The following SRGAP1 variants were observed in gnomAD, a reference collection of about 807,000 sequenced individuals.
SRGAP1 encodes the protein SLIT-ROBO Rho GTPase-activating protein 1.
A neutral mutation model predicts 121.9 loss-of-function variants in SRGAP1; 43 were observed. The ratio of observed to expected loss-of-function variants is 0.35; its 90% confidence interval spans 0.28 to 0.46. The LOEUF is 0.46. Ranked by LOEUF, SRGAP1 falls within the 20% of genes least tolerant of loss-of-function variation. SRGAP1 has a pLI of 1.00. For missense variants in SRGAP1, 1,102 were observed against 1,350.9 expected (o/e 0.82, Z 2.89); for synonymous variants, 447 against 485.4 (o/e 0.92, Z 1.04).
At chr12:63,983,173 T>G (rs2033297301) in intron 1 of SRGAP1, 1 of 152,214 alleles carries the variant, frequency 6.6e-6, no homozygotes, top group Admixed American at 6.5e-5. Flanking sequence ...AATTATGCAC[T>G]AAATAAAAAT....
chr12:63,900,204 C>CTTTTTTTT lies in SRGAP1; in HGVS notation c.67+55333_67+55340dup, dbSNP rs67622101. 1.3e-4 allele frequency among the ~76,000 whole-genome samples: 11 copies of CTTTTTTTT among 87,580 alleles called. 2 individuals are homozygous for CTTTTTTTT. The highest frequency in any genetic ancestry group is 4.0e-4 in the Admixed American group (3 of 7,470). 57.5% of individuals were successfully genotyped at this position (87,580 alleles called of 152,430 possible). On this transcript the variant is annotated intron_variant, in intron 1 of 21. Coordinates refer to ENST00000355086, the MANE Select transcript of SRGAP1 (RefSeq NM_020762.4). Reference sequence around the variant, plus strand: ...CTTTTTTCTTTTTCTTTTTCTTTTTCTTTTTTTTTTTTTTTTTTTGAGGTG... The same window carrying CTTTTTTTT: ...CTTTTTTCTTTTTCTTTTTCTTTTTCTTTTTTTTTTTTTTTTTTTTTTTTTTTGAGGTG...
At chr12:63,925,649 T>C (rs966195960) in intron 1 of SRGAP1, among the ~76,000 whole-genome samples, 2 of 152,168 alleles carry the variant, frequency 1.3e-5, no homozygotes, top group Non-Finnish European at 2.9e-5. Context: ...GAAAAAGGAA[T>C]AAAGCAAAGG....
intron 1 of SRGAP1, among the ~76,000 whole-genome samples, chr12:63,958,265 A>G (rs1184120529): frequency 6.6e-6 from 1 of 152,080 alleles, no homozygotes; most frequent in African/African-American, 2.4e-5. Context: ...GAGCCCCAGA[A>G]AGTTCTCCTG....
rs753864735 is a variant in SRGAP1 at position 64,097,383 on chromosome 12, G to A, written c.1813+8G>A. Reference sequence around the variant, plus strand: ...ATCTGATTTCTTGTATCAGTAAGTGGACATTTTTTTCATCTTTTCCCACAA... The same window carrying A: ...ATCTGATTTCTTGTATCAGTAAGTGAACATTTTTTTCATCTTTTCCCACAA... On this transcript the variant is annotated splice_region_variant and intron_variant, in intron 15 of 21. Transcript: ENST00000355086. The A allele has an allele frequency of 3.1e-6, 5 of 1,603,058 alleles. No individual in the cohort carries two copies. The East Asian group carries it at 1.1e-4, about 36-fold the overall frequency.
intron 17 of SRGAP1, among the ~76,000 whole-genome samples, chr12:64,113,042 G>T (rs750564581): frequency 2.6e-5 from 4 of 151,902 alleles, no homozygotes; most frequent in Admixed American, 6.6e-5. Context: ...GGAGTTTAAG[G>T]CTGCAGTGAG....
At chr12:64,126,196 T>C (rs1359669183) in intron 19 of SRGAP1, 39 bp downstream of exon 19, 1 of 1,585,430 alleles carries the variant, frequency 6.3e-7, no homozygotes, top group Non-Finnish European at 8.6e-7. Context: ...GTGCTCCCAA[T>C]AGAGGACTCC....
chr12:63,887,633 T>A (rs112062389), intron 1 of SRGAP1: 4,185 of 152,340 alleles, frequency 0.027, 91 homozygotes, highest in African/African-American at 0.061. Flanking sequence ...GTTGAATGGC[T>A]GTTTGAATTG....
chr12:63,850,205 G>T (rs1218063904), intron 1 of SRGAP1, among the ~76,000 whole-genome samples: 1 of 152,068 alleles, frequency 6.6e-6, no homozygotes, highest in African/African-American at 2.4e-5. Flanking sequence ...CTGAAAACCC[G>T]GTTAGTTTCA....
At chr12:64,044,831 C>A (rs904609538) in intron 6 of SRGAP1, among the ~76,000 whole-genome samples, 1 of 151,840 alleles carries the variant, frequency 6.6e-6, no homozygotes, top group Non-Finnish European at 1.5e-5. Context: ...CAGGCACATG[C>A]TACCACACAG....
chr12:64,135,959 G>A (rs1446989783), intron 21 of SRGAP1, among the ~76,000 whole-genome samples: 1 of 152,252 alleles, frequency 6.6e-6, no homozygotes, highest in African/African-American at 2.4e-5. Context: ...CTTGGAGTCT[G>A]ATGTTTAAGA....
intron 1 of SRGAP1, among the ~76,000 whole-genome samples, chr12:63,952,473 G>A (rs935343471): frequency 1.3e-5 from 2 of 152,146 alleles, no homozygotes; most frequent in African/African-American, 4.8e-5. Flanking sequence ...CTATGATTGT[G>A]CACTGCACTA....
intron 12 of SRGAP1, chr12:64,091,843 G>A (rs1372206892): frequency 6.8e-7 from 1 of 1,468,864 alleles, no homozygotes; most frequent in Admixed American, 2.0e-5. Flanking sequence ...CCTCTGCTGT[G>A]TTTACTCTTC....
intron 1 of SRGAP1, among the ~76,000 whole-genome samples, chr12:63,913,507 GTATA>G (rs1198486090): frequency 1.5e-5 from 2 of 130,910 alleles, no homozygotes; most frequent in Non-Finnish European, 3.3e-5. Context: ...ACATATATGT[GTATA>G]TATATATACA....
rs1203803009 is a variant in SRGAP1 at position 64,016,991 on chromosome 12, G to A, written c.468G>A (p.Lys156=). The A allele has an allele frequency of 1.3e-6, 2 of 1,549,744 alleles. No homozygotes were observed. Among genetic ancestry groups the A allele is most frequent in the Admixed American group, 1.7e-5 (1 of 58,600 alleles). The change falls in exon 4 of 22, where the codon AAG becomes AAA. Residue 156 remains lysine, a synonymous_variant. Coordinates refer to ENST00000355086, the MANE Select transcript of SRGAP1 (RefSeq NM_020762.4). ...TCCAACTTCATGAGGATTTAATGAA[G>A]GTTCTTAATGAGCTTTATACGGTAA... ...IAFQLHEDLM[K]VLNELYTVMK... is the part of the protein sequence containing the mutation.
chr12:64,042,265 C>T (rs1481815850), intron 4 of SRGAP1, among the ~76,000 whole-genome samples: 2 of 152,032 alleles, frequency 1.3e-5, no homozygotes, highest in Non-Finnish European at 2.9e-5. Context: ...CTACATTGAA[C>T]ATAAAAAATA....
rs58637983 is a variant in SRGAP1, at chr12:63,951,152, C to CTTTTTTTTTTTTT, written c.68-32778_68-32766dup. Among the ~76,000 whole-genome samples the CTTTTTTTTTTTTT allele has an allele frequency of 9.3e-4, 41 of 44,184 alleles. 8 individuals are homozygous for CTTTTTTTTTTTTT. Among genetic ancestry groups the CTTTTTTTTTTTTT allele is most frequent in the African/African-American group, 3.4e-3 (40 of 11,920 alleles). 29.0% of individuals were successfully genotyped at this position (44,184 alleles called of 152,430 possible). ...GGGCTGGTCCATGCCATTTAGAACT[C>CTTTTTTTTTTTTT]TTTTTTTTTTTTTTTTTTTTTTTTT... On this transcript the variant is annotated intron_variant, in intron 1 of 21. Transcript: ENST00000355086.
chr12:63,980,040 G>A (rs2033206267), intron 1 of SRGAP1, among the ~76,000 whole-genome samples: 1 of 152,184 alleles, frequency 6.6e-6, no homozygotes, highest in African/African-American at 2.4e-5. Context: ...AGTGCACCAT[G>A]GGCTTCCTTG....
chr12:64,161,872 C>T lies in SRGAP1; in HGVS notation c.*19200C>T, dbSNP rs2037211268. 6.6e-6 allele frequency: 1 copy of T among 152,212 alleles called. No homozygotes were observed. The highest frequency in any genetic ancestry group is 2.1e-4 in the South Asian group (1 of 4,830). 9.4% of individuals were successfully genotyped at this position (152,212 alleles called of 1,614,324 possible). A position where few individuals can be genotyped will look rare whatever the true frequency, so the allele number is the denominator to read the frequency against. On this transcript the variant is annotated 3_prime_UTR_variant, in exon 22 of 22. Transcript: ENST00000355086. The stretch of plus-strand genomic sequence containing the variant: ...TGTGGTATATTGATACAATGGAATA[C>T]TATTCTGTAATGAAGATGGGAAAGA...
At chr12:64,113,186 TC>T (rs2036458769) in intron 17 of SRGAP1, among the ~76,000 whole-genome samples, 1 of 151,808 alleles carries the variant, frequency 6.6e-6, no homozygotes, top group Non-Finnish European at 1.5e-5. Flanking sequence ...GGCAGGCAGA[TC>T]ACTTGAGGTC....
Sources: allele counts gnomAD v4.1 joint callset (sites outside exome capture counted in the v4.1 genomes callset), GRCh38; gene constraint gnomAD v4.1.1; transcripts MANE v1.5; gene names NCBI Gene and HGNC (gene_info 2026-07-23, HGNC 2026-07-21).